The following SPATS2 variants were observed in gnomAD, a reference collection of about 807,000 sequenced individuals.
The protein encoded by SPATS2 is spermatogenesis associated serine rich 2.
A neutral mutation model predicts 63.7 loss-of-function variants in SPATS2; 38 were observed. The observed-to-expected ratio is 0.60, with a 90% CI of 0.46 to 0.78. The LOEUF (loss-of-function observed/expected upper bound fraction) is 0.78, where lower values mean the gene tolerates loss of function less well. Ranked by LOEUF, SPATS2 falls within the 30% of genes least tolerant of loss-of-function variation. The pLI is 0.00. For synonymous variants in SPATS2, 207 were observed against 232.9 expected (o/e 0.89, Z 1.01); for missense variants, 588 against 666.2 (o/e 0.88, Z 1.29).
At chr12:49,453,707 G>C (rs2137629446) in intron 2 of SPATS2, among the ~76,000 whole-genome samples, 1 of 152,128 alleles carries the variant, frequency 6.6e-6, no homozygotes, top group Non-Finnish European at 1.5e-5. Flanking sequence ...CAGCCACCTA[G>C]CAGGCTAAGA....
chr12:49,470,025 G>C (rs1427266508), intron 3 of SPATS2, among the ~76,000 whole-genome samples: 1 of 151,934 alleles, frequency 6.6e-6, no homozygotes, highest in African/African-American at 2.4e-5. Context: ...TGGCTACCAA[G>C]TTGTTTCTCC....
At chr12:49,437,689 C>T (rs889307507) in intron 2 of SPATS2, among the ~76,000 whole-genome samples, 3 of 152,238 alleles carry the variant, frequency 2.0e-5, no homozygotes, top group African/African-American at 7.2e-5. Context: ...ACCAGTCAGG[C>T]ATGGCGGCGC....
intron 3 of SPATS2, among the ~76,000 whole-genome samples, chr12:49,482,450 AG>A (rs1316812596): frequency 2.6e-5 from 4 of 152,296 alleles, no homozygotes; most frequent in Admixed American, 2.6e-4. Flanking sequence ...CAAAAATAAA[AG>A]GGCCCTTTCT....
chr12:49,435,364 G>A lies in SPATS2; in HGVS notation c.-243-25406G>A, dbSNP rs1266604715. Reference sequence around the variant, plus strand: ...TTTAAAGATAAGGTCTAGCTTTGTCGCCCGGGCCAGAGTGCCATGGTATGA... The same window carrying A: ...TTTAAAGATAAGGTCTAGCTTTGTCACCCGGGCCAGAGTGCCATGGTATGA... On this transcript the variant is annotated intron_variant, in intron 2 of 13. Transcript: ENST00000552918. Among the ~76,000 whole-genome samples the A allele has an allele frequency of 7.8e-5, 11 of 141,432 alleles. 1 individual carries two copies. Among genetic ancestry groups the A allele is most frequent in the East Asian group, 6.4e-4 (3 of 4,688 alleles). The allele number at this position is 141,432 out of a possible 152,430, so 92.8% of individuals were successfully genotyped here.
At chr12:49,414,600 C>CTTTTTTAT (rs981296509) in intron 2 of SPATS2, among the ~76,000 whole-genome samples, 1 of 152,014 alleles carries the variant, frequency 6.6e-6, no homozygotes, top group Non-Finnish European at 1.5e-5. Flanking sequence ...GCCCAGAAGG[C>CTTTTTTAT]TTTTTTATTT....
At chr12:49,382,121 T>C (rs1944233134) in intron 2 of SPATS2, among the ~76,000 whole-genome samples, 1 of 152,212 alleles carries the variant, frequency 6.6e-6, no homozygotes, top group African/African-American at 2.4e-5. Context: ...TATACCTATT[T>C]TGTGAACTCT....
chr12:49,481,543 C>T (rs1379124072), intron 3 of SPATS2, among the ~76,000 whole-genome samples: 2 of 140,770 alleles, frequency 1.4e-5, no homozygotes, highest in African/African-American at 5.4e-5. Context: ...TCTCAGCTCA[C>T]TGCAACCTCT....
At position 49,453,341 on chromosome 12, in the gene SPATS2, GCAA is replaced by G. The variant is rs1202091582; in HGVS notation, c.-243-7427_-243-7425del. Among the ~76,000 whole-genome samples the G allele has an allele frequency of 1.0e-3, 154 of 152,070 alleles. 4 individuals are homozygous for G. Among genetic ancestry groups the G allele is most frequent in the Non-Finnish European group, 1.5e-4 (10 of 68,012 alleles). ...TGGACATTTTAGCTACTATATTGTAGCAACTTTGATTTCTGGATTTTTCCTCCT... is the reference window on the plus strand; with the variant it reads ...TGGACATTTTAGCTACTATATTGTAGCTTTGATTTCTGGATTTTTCCTCCT... On this transcript the variant is annotated intron_variant, in intron 2 of 13. Transcript: ENST00000552918.
intron 2 of SPATS2, among the ~76,000 whole-genome samples, chr12:49,430,794 G>A (rs960719650): frequency 6.6e-6 from 1 of 150,974 alleles, no homozygotes; most frequent in Non-Finnish European, 1.5e-5. Context: ...TCCACCTCCT[G>A]GGTTCAAGCA....
At chr12:49,403,572 G>C (rs1944642550) in intron 2 of SPATS2, among the ~76,000 whole-genome samples, 1 of 149,974 alleles carries the variant, frequency 6.7e-6, no homozygotes, top group African/African-American at 2.5e-5. Context: ...AGGTTGCAGT[G>C]AGCCGAGATC....
intron 2 of SPATS2, among the ~76,000 whole-genome samples, chr12:49,400,299 TGGG>T (rs919262042): frequency 1.3e-5 from 2 of 152,080 alleles, no homozygotes; most frequent in African/African-American, 2.4e-5. Context: ...AAAAGCCTCT[TGGG>T]GTGATTTTGA....
At chr12:49,482,186 A>G (rs569855765) in intron 3 of SPATS2, among the ~76,000 whole-genome samples, 2 of 152,324 alleles carry the variant, frequency 1.3e-5, no homozygotes, top group East Asian at 1.9e-4. Flanking sequence ...ACCTCATGTC[A>G]TAGAATATAA....
rs56779212 is a variant in SPATS2, at chr12:49,404,274, CT to C, written c.-244+32997del. Reference sequence around the variant, plus strand: ...AGAGTACAGGTTCTAGAGTTACAGACTTTTTTTTTTTTTCATTTTTTTTTTT... The same window carrying C: ...AGAGTACAGGTTCTAGAGTTACAGACTTTTTTTTTTTTCATTTTTTTTTTT... On this transcript the variant is annotated intron_variant, in intron 2 of 13. Transcript: ENST00000552918. Among the ~76,000 whole-genome samples the C allele has an allele frequency of 7.1e-3, 971 of 136,762 alleles. 3 individuals carry two copies. The highest frequency in any genetic ancestry group is 0.015 in the Middle Eastern group (4 of 260). 89.7% of individuals were successfully genotyped at this position (136,762 alleles called of 152,430 possible).
intron 3 of SPATS2, among the ~76,000 whole-genome samples, chr12:49,467,984 C>T (rs1298482380): frequency 2.6e-5 from 4 of 152,016 alleles, no homozygotes; most frequent in South Asian, 2.1e-4. Context: ...CCACCCGCCT[C>T]GGCCTCCCAA....
At chr12:49,382,462 T>C (rs1169245094) in intron 2 of SPATS2, among the ~76,000 whole-genome samples, 5 of 152,228 alleles carry the variant, frequency 3.3e-5, no homozygotes, top group Admixed American at 2.0e-4. Flanking sequence ...TGCTTATTCA[T>C]CTTATCTTTT....
At chr12:49,510,562 C>CAAA (rs1270614197) in intron 9 of SPATS2, among the ~76,000 whole-genome samples, 29 of 88,402 alleles carry the variant, frequency 3.3e-4, no homozygotes, top group Non-Finnish European at 6.5e-4. Context: ...GACCCTGTCT[C>CAAA]AAAAAAAAAA....
At chr12:49,512,818 C>T in intron 9 of SPATS2, 1 of 1,278,084 alleles carries the variant, frequency 7.8e-7, no homozygotes, top group Non-Finnish European at 1.0e-6. Context: ...AAACTGTAGG[C>T]CTGGCAGCTC....
In SPATS2 at chr12:49,524,712, G is replaced by T. The variant is rs766727084; in HGVS notation, c.1142G>T (p.Arg381Ile). ...CATCCAAAGAACAGCTATTCGACCA[G>T]ATCCCGATGTAGCTCAGTTACATCT... ...VSHPKNSYST[R>I]SRCSSVTSVS... Residue 381 changes from arginine (R) to isoleucine (I), a missense_variant, in exon 13 of 14, where the codon AGA becomes ATA. Transcript: ENST00000552918. 3 of 1,614,012 alleles carry T rather than the reference G, an allele frequency of 1.9e-6. No individual in the cohort carries two copies. Among genetic ancestry groups the T allele is most frequent in the Non-Finnish European group, 2.5e-6 (3 of 1,180,026 alleles).
In SPATS2 at chr12:49,372,324, C is replaced by T. The variant is rs77060662; in HGVS notation, c.-244+1034C>T. Among the ~76,000 whole-genome samples the T allele has an allele frequency of 8.0e-3, 1,223 of 152,264 alleles. 22 individuals carry two copies. Among genetic ancestry groups the T allele is most frequent in the African/African-American group, 0.029 (1,184 of 41,528 alleles). Reference sequence around the variant, plus strand: ...CCTCTCAAAGTGCTGAGATTACATGCGTGAACCACTGTGGCCTGCTGAGGC... The same window carrying T: ...CCTCTCAAAGTGCTGAGATTACATGTGTGAACCACTGTGGCCTGCTGAGGC... On this transcript the variant is annotated intron_variant, in intron 2 of 13. Coordinates refer to ENST00000552918, the MANE Select transcript of SPATS2 (RefSeq NM_023071.4).
Sources: allele counts gnomAD v4.1 joint callset (sites outside exome capture counted in the v4.1 genomes callset), GRCh38; gene constraint gnomAD v4.1.1; transcripts MANE v1.5; gene names NCBI Gene and HGNC (gene_info 2026-07-23, HGNC 2026-07-21).